MTCL1: variants seen among roughly 807,000 people sequenced by gnomAD.
The protein encoded by MTCL1 is microtubule cross-linking factor 1.
MTCL1 carries 79 observed loss-of-function variants against 141.4 expected under a neutral mutation model. That is an observed-to-expected ratio of 0.56 (90% CI 0.47 to 0.67). The LOEUF is 0.67. MTCL1 is among the 30% of genes least tolerant of loss of function. The pLI, the probability that MTCL1 is intolerant of heterozygous loss-of-function variation, is 0.00. For synonymous variants in MTCL1, 914 were observed against 875.8 expected, an observed-to-expected ratio of 1.04 and a Z score of -0.77; for missense variants, 2,177 against 2,113.9, an observed-to-expected ratio of 1.03 and a Z score of -0.59.
intron 4 of MTCL1, among the ~76,000 whole-genome samples, chr18:8,739,889 A>G (rs890626237): frequency 1.3e-4 from 20 of 151,986 alleles, no homozygotes; most frequent in African/African-American, 4.6e-4. Context: ...ACGCCACCAC[A>G]CCCAGCTAAT....
exon 6 of MTCL1, chr18:8,784,252 C>G (rs769953858): frequency 2.5e-6 from 4 of 1,606,414 alleles, no homozygotes. Flanking sequence ...TGCGTGCCCC[C>G]AGTCCCCGGG....
At chr18:8,826,580 CTA>C (rs1369154628) in intron 15 of MTCL1, among the ~76,000 whole-genome samples, 1 of 152,172 alleles carries the variant, frequency 6.6e-6, no homozygotes, top group Non-Finnish European at 1.5e-5. Flanking sequence ...CATGTACAAA[CTA>C]TGGGATAGTT....
chr18:8,756,493 GTATATATGTGTGTA>G (rs1222911289), intron 4 of MTCL1, among the ~76,000 whole-genome samples: 32 of 143,274 alleles, frequency 2.2e-4, no homozygotes, highest in South Asian at 8.3e-4. Flanking sequence ...GTGTATATAT[GTATATATGTGTGTA>G]TATATATGTG....
At chr18:8,736,902 A>G (rs1168861828) in intron 4 of MTCL1, among the ~76,000 whole-genome samples, 1 of 152,128 alleles carries the variant, frequency 6.6e-6, no homozygotes, top group Non-Finnish European at 1.5e-5. Context: ...GGCCTCCGAA[A>G]GTGCTAGGAT....
At chr18:8,766,995 T>C (rs2096462734) in intron 4 of MTCL1, among the ~76,000 whole-genome samples, 1 of 152,228 alleles carries the variant, frequency 6.6e-6, no homozygotes, top group Non-Finnish European at 1.5e-5. Context: ...CAGGGGTTTG[T>C]CCTGTTGTAG....
intron 6 of MTCL1, among the ~76,000 whole-genome samples, chr18:8,785,209 C>A (rs551143771): frequency 6.6e-6 from 1 of 152,102 alleles, no homozygotes; most frequent in Non-Finnish European, 1.5e-5. Flanking sequence ...ACCAGCCACC[C>A]GCTGAAGAAG....
intron 4 of MTCL1, among the ~76,000 whole-genome samples, chr18:8,724,920 A>C (rs1024683658): frequency 1.2e-4 from 18 of 151,394 alleles, no homozygotes; most frequent in African/African-American, 3.9e-4. Flanking sequence ...CTGTGACCCT[A>C]GGCACCCACA....
chr18:8,735,647 G>A (rs1008405968), intron 4 of MTCL1, among the ~76,000 whole-genome samples: 5 of 152,126 alleles, frequency 3.3e-5, no homozygotes, highest in African/African-American at 9.7e-5. Context: ...TTGGGGGGTG[G>A]GCATGGAGGT....
chr18:8,753,909 T>TA (rs1432838633), intron 4 of MTCL1, among the ~76,000 whole-genome samples: 4 of 152,200 alleles, frequency 2.6e-5, no homozygotes, highest in Non-Finnish European at 4.4e-5. Flanking sequence ...AGAGGACTGT[T>TA]ACAATTTGTG....
intron 12 of MTCL1, among the ~76,000 whole-genome samples, chr18:8,817,282 CAGTT>C (rs35492885): frequency 0.018 from 1,273 of 71,726 alleles, 19 homozygotes; most frequent in African/African-American, 0.059. Flanking sequence ...TTAAAGAAAG[CAGTT>C]AGCATCTTTA....
intron 5 of MTCL1, among the ~76,000 whole-genome samples, chr18:8,781,314 G>A (rs191042602): frequency 3.8e-4 from 58 of 150,968 alleles, no homozygotes; most frequent in Admixed American, 1.1e-3. Context: ...CAAAAAATAC[G>A]TCATTACCCC....
At chr18:8,771,296 A>G (rs2096484370) in intron 4 of MTCL1, among the ~76,000 whole-genome samples, 1 of 152,172 alleles carries the variant, frequency 6.6e-6, no homozygotes, top group South Asian at 2.1e-4. Flanking sequence ...ATTTAATATG[A>G]GTAAAGGAAT....
intron 14 of MTCL1, 92 bp from the exon 14 acceptor site, chr18:8,824,607 C>T: frequency 2.6e-6 from 3 of 1,162,524 alleles, no homozygotes; most frequent in Non-Finnish European, 3.6e-6. Context: ...GGTGCCTTCA[C>T]TGACACTTCT....
chr18:8,740,920 T>A (rs937029837), intron 4 of MTCL1, among the ~76,000 whole-genome samples: 2 of 152,248 alleles, frequency 1.3e-5, no homozygotes, highest in African/African-American at 4.8e-5. Flanking sequence ...TAGTTGCCCT[T>A]ACATTTGTTG....
chr18:8,806,854 T>A (rs1372945881), intron 10 of MTCL1, 39 bp from the exon 10 acceptor site: 1 of 1,597,952 alleles, frequency 6.3e-7, no homozygotes, highest in Non-Finnish European at 8.5e-7. Context: ...AAAAATACGC[T>A]TAAAGGAGGT....
intron 5 of MTCL1, 99 bp downstream of exon 4, chr18:8,777,991 C>A: frequency 8.9e-7 from 1 of 1,119,790 alleles, no homozygotes. Context: ...TTTAAAACAT[C>A]CAAAGAAACA....
At chr18:8,776,570 T>A (rs1346158872) in intron 4 of MTCL1, among the ~76,000 whole-genome samples, 2 of 152,194 alleles carry the variant, frequency 1.3e-5, no homozygotes, top group Non-Finnish European at 2.9e-5. Context: ...GAATAAGTTA[T>A]GAGCTTTGTA....
At chr18:8,713,347 T>C (rs1182035760), upstream of MTCL1, among the ~76,000 whole-genome samples, 1 of 152,268 alleles carries the variant, frequency 6.6e-6, no homozygotes, top group Non-Finnish European at 1.5e-5. Flanking sequence ...CTTTTTCTTA[T>C]TTCCGTGTAT....
At chr18:8,825,408 G>A (rs757538000) in exon 15 of MTCL1, 1 of 1,545,128 alleles carries the variant, frequency 6.5e-7, no homozygotes, top group Non-Finnish European at 8.7e-7. Flanking sequence ...CTCCGGCCCT[G>A]GCGAGCTGCA....
Sources: allele counts gnomAD v4.1 joint callset (sites outside exome capture counted in the v4.1 genomes callset), GRCh38; gene constraint gnomAD v4.1.1; transcripts MANE v1.5; gene names NCBI Gene and HGNC (gene_info 2026-07-23, HGNC 2026-07-21).